Variants in KIAA0930 observed in about 807,000 individuals in gnomAD.
The protein encoded by KIAA0930 is KIAA0930, also known as uncharacterized protein KIAA0930.
KIAA0930 carries 24 observed loss-of-function variants against 43.9 expected under a neutral mutation model. The observed-to-expected ratio is 0.55, with a 90% CI of 0.40 to 0.77. KIAA0930 has a LOEUF of 0.77. Ranked by LOEUF, KIAA0930 falls within the 30% of genes least tolerant of loss-of-function variation. The pLI is 0.00. For missense variants in KIAA0930, 461 were observed against 574.2 expected (o/e 0.80, Z 2.02); for synonymous variants, 259 against 216.4 (o/e 1.20, Z -1.73).
At chr22:45,200,775 G>T (rs1016563958) in intron 7 of KIAA0930, among the ~76,000 whole-genome samples, 2 of 152,220 alleles carry the variant, frequency 1.3e-5, no homozygotes. Flanking sequence ...AGTCTGCTGG[G>T]GTGACAGACT....
At chr22:45,209,953 G>T (rs8139276) in intron 2 of KIAA0930, among the ~76,000 whole-genome samples, 19,329 of 152,046 alleles carry the variant, frequency 0.13, 1,553 homozygotes, top group African/African-American at 0.23. Flanking sequence ...TCAGTGGAGG[G>T]CTCTCACCTT....
intron 7 of KIAA0930, chr22:45,200,814 T>C: frequency 2.2e-6 from 1 of 456,484 alleles, no homozygotes; most frequent in South Asian, 1.6e-5. Context: ...GACAGCATGC[T>C]GGCTGTGGAG....
intron 1 of KIAA0930, chr22:45,212,570 C>T: frequency 7.2e-7 from 1 of 1,389,400 alleles, no homozygotes. Context: ...GGGAACCCGA[C>T]TTAAAGGGAC....
At chr22:45,204,199 G>C (rs1023898217) in intron 5 of KIAA0930, among the ~76,000 whole-genome samples, 2 of 152,182 alleles carry the variant, frequency 1.3e-5, no homozygotes, top group African/African-American at 4.8e-5. Flanking sequence ...GGGAGGACAG[G>C]GACGCTTACG....
intron 2 of KIAA0930, 90 bp from the exon 3 acceptor site, chr22:45,206,002 A>C (rs1486018242): frequency 6.5e-7 from 1 of 1,549,908 alleles, no homozygotes; most frequent in Non-Finnish European, 8.7e-7. Flanking sequence ...ACGATGGACA[A>C]GGACTCCAAT....
At chr22:45,222,718 G>A (rs529770345) in intron 1 of KIAA0930, among the ~76,000 whole-genome samples, 88 of 147,760 alleles carry the variant, frequency 6.0e-4, no homozygotes, top group South Asian at 8.7e-4. Context: ...AAACACAGAC[G>A]GAACCCTTAC....
chr22:45,211,818 C>T (rs546374332), intron 2 of KIAA0930, 138 bp downstream of exon 2: 2 of 870,110 alleles, frequency 2.3e-6, no homozygotes, highest in African/African-American at 1.7e-5. Context: ...TCCTGGAATA[C>T]AGTAGGTGCT....
At chr22:45,217,587 T>C (rs2083741783) in intron 1 of KIAA0930, among the ~76,000 whole-genome samples, 1 of 152,140 alleles carries the variant, frequency 6.6e-6, no homozygotes, top group Non-Finnish European at 1.5e-5. Context: ...GCAAAATACA[T>C]GGCACTAACT....
intron 1 of KIAA0930, among the ~76,000 whole-genome samples, chr22:45,222,132 G>A (rs1781103744): frequency 6.6e-6 from 1 of 152,102 alleles, no homozygotes; most frequent in Non-Finnish European, 1.5e-5. Context: ...AAAAGAATAA[G>A]GTTGGGTCCC....
chr22:45,237,641 C>G (rs2083895158), intron 1 of KIAA0930, among the ~76,000 whole-genome samples: 1 of 152,216 alleles, frequency 6.6e-6, no homozygotes, highest in Non-Finnish European at 1.5e-5. Flanking sequence ...TCTGAGTAAC[C>G]CAAGCTTTTG....
At chr22:45,240,131 G>A (rs1315523126) in intron 1 of KIAA0930, among the ~76,000 whole-genome samples, 7 of 152,200 alleles carry the variant, frequency 4.6e-5, no homozygotes, top group Non-Finnish European at 1.0e-4. Context: ...AGGGATGAGA[G>A]GGGCCGGTGG....
intron 1 of KIAA0930, chr22:45,236,077 A>G (rs779305353): frequency 6.6e-6 from 1 of 152,272 alleles, no homozygotes; most frequent in East Asian, 1.9e-4. Context: ...CTATTTGCAC[A>G]TGATGGGCCT....
chr22:45,209,488 C>A (rs1018162779), intron 2 of KIAA0930, among the ~76,000 whole-genome samples: 6 of 152,182 alleles, frequency 3.9e-5, no homozygotes, highest in African/African-American at 1.4e-4. Context: ...TCCCATGTGG[C>A]ACTCGTCACA....
intron 1 of KIAA0930, among the ~76,000 whole-genome samples, chr22:45,215,799 TTTAC>T (rs1279027021): frequency 6.6e-6 from 1 of 152,198 alleles, no homozygotes; most frequent in East Asian, 1.9e-4. Flanking sequence ...AGCATTTTTT[TTTAC>T]TTAATATTTT....
At position 45,197,095 on chromosome 22, in the gene KIAA0930, C is replaced by T. The variant is rs1248348261; in HGVS notation, c.*81G>A. ...AGCACTGGCGTGCCATCGCAGACCC[C>T]GGTGGCGGTGGACAGGTAGGCACTT... On this transcript the variant is annotated 3_prime_UTR_variant, in exon 10 of 10. Transcript: ENST00000336156. 6 of 1,229,454 alleles carry T rather than the reference C, an allele frequency of 4.9e-6. No homozygotes were observed. Among genetic ancestry groups the T allele is most frequent in the African/African-American group, 3.1e-5 (2 of 64,296 alleles). 76.2% of individuals were successfully genotyped at this position (1,229,454 alleles called of 1,614,324 possible).
At chr22:45,198,591 C>T (rs1356043943) in intron 8 of KIAA0930, among the ~76,000 whole-genome samples, 2 of 152,242 alleles carry the variant, frequency 1.3e-5, no homozygotes, top group African/African-American at 4.8e-5. Flanking sequence ...ATCAATGCTG[C>T]AGCCCTGCTC....
At chr22:45,203,426 GGCA>G (rs2083607640) in intron 6 of KIAA0930, among the ~76,000 whole-genome samples, 1 of 152,174 alleles carries the variant, frequency 6.6e-6, no homozygotes, top group Non-Finnish European at 1.5e-5. Context: ...GCCCCAGGCT[GGCA>G]GCAAGGCTGG....
At chr22:45,215,345 A>C (rs41467347) in intron 1 of KIAA0930, among the ~76,000 whole-genome samples, 13,459 of 152,292 alleles carry the variant, frequency 0.088, 804 homozygotes, top group East Asian at 0.14. Context: ...GCAAGGGTGC[A>C]TTGAACTGGA....
intron 6 of KIAA0930, among the ~76,000 whole-genome samples, chr22:45,203,554 G>A (rs887973789): frequency 6.6e-6 from 1 of 152,196 alleles, no homozygotes; most frequent in African/African-American, 2.4e-5. Context: ...GTGAGGAGGT[G>A]ACAGCGACAC....
Sources: gnomAD v4.1 joint callset for allele counts (sites outside exome capture counted in the v4.1 genomes callset) on GRCh38, gnomAD v4.1.1 for gene constraint, MANE v1.5 for transcripts, NCBI Gene and HGNC (gene_info 2026-07-23, HGNC 2026-07-21) for gene names.